The following DDX25 variants were observed in gnomAD, a reference collection of about 807,000 sequenced individuals.
DDX25 encodes DEAD-box helicase 25.
In DDX25, 70 loss-of-function variants were observed where a neutral mutation model predicts 64.6. That is an observed-to-expected ratio of 1.08 (90% CI 0.89 to 1.32). The LOEUF (loss-of-function observed/expected upper bound fraction) is 1.32, where lower values mean the gene tolerates loss of function less well. Among genes scored for constraint, DDX25 ranks in the 40% most tolerant of loss-of-function variants. DDX25 has a pLI of 0.00. For missense variants in DDX25, 587 were observed against 604.4 expected (o/e 0.97, Z 0.30); for synonymous variants, 211 against 213.3 (o/e 0.99, Z 0.09).
At position 125,927,576 on chromosome 11, in the gene DDX25, T is replaced by C. The variant is rs1945179038; in HGVS notation, c.*4695T>C. On this transcript the variant is annotated 3_prime_UTR_variant, in exon 12 of 12. Transcript: ENST00000263576. ...ATAATTTTCATAAATGAGGATGGTC[T>C]CCTATTTTGAGCTTAACATTTTTCT... 2 of 152,234 alleles carry C rather than the reference T, an allele frequency of 1.3e-5. No individual in the cohort carries two copies. The highest frequency in any genetic ancestry group is 1.3e-4 in the Admixed American group (2 of 15,280). The allele number at this position is 152,234 out of a possible 1,614,324, so 9.4% of individuals were successfully genotyped here.
Position 125,916,406 on chromosome 11 carries a change from T to G in DDX25, c.801-608T>G, listed in dbSNP as rs112322373. Among the ~76,000 whole-genome samples, 1,138 of 152,296 alleles carry G rather than the reference T, an allele frequency of 7.5e-3. 12 individuals carry two copies. The highest frequency in any genetic ancestry group is 0.023 in the African/African-American group (949 of 41,552). On this transcript the variant is annotated intron_variant, in intron 8 of 11. Transcript: ENST00000263576. Reference sequence around the variant, plus strand: ...TTTCTGCTCACTGGTCCCTCTCTTTTCCCAAGGATTAGCCTCTATCCTAAC... The same window carrying G: ...TTTCTGCTCACTGGTCCCTCTCTTTGCCCAAGGATTAGCCTCTATCCTAAC...
chr11:125,907,337 G>C (rs531678808), intron 4 of DDX25, among the ~76,000 whole-genome samples: 3 of 152,138 alleles, frequency 2.0e-5, no homozygotes, highest in East Asian at 3.9e-4. Flanking sequence ...GGCCGGGCGC[G>C]GTGGCTCACG....
chr11:125,921,261 C>T lies in DDX25; in HGVS notation c.1272C>T (p.Asp424=). The change falls in exon 11 of 12, where the codon GAC becomes GAT. Residue 424 remains aspartate, a synonymous_variant. Transcript: ENST00000263576. This position sits in a 1 kb window ranked among gnomAD's most constrained non-coding sequence, Gnocchi z 4.1. ...CTGTAAAACAAGGAGAGGAGCCGGA[C>T]TATGAGACCTACCTCCACCGCATAG... ...DLPVKQGEEP[D]YETYLHRIGR... 1 of 1,613,256 alleles carries T rather than the reference C, an allele frequency of 6.2e-7. No homozygotes were observed. The highest frequency in any genetic ancestry group is 8.5e-7 in the Non-Finnish European group (1 of 1,179,662).
rs1277252841 is a variant in DDX25 at position 125,918,737 on chromosome 11, G to T, written c.1148G>T (p.Arg383Met). Residue 383 changes from arginine to methionine, a missense_variant, in exon 10 of 12, where the codon AGG (arginine) becomes ATG (methionine). Arg to Met is a moderately conservative substitution (Grantham distance 91). Coordinates refer to ENST00000263576, the MANE Select transcript of DDX25 (RefSeq NM_013264.5). ...GAGCAGCGAGCTTCCATCATTCAGA[G>T]GTTTCGGGATGGGAAAGAGAAGGTT... ...TVEQRASIIQ[R>M]FRDGKEKVLI... 1 of 1,611,608 alleles carries T rather than the reference G, an allele frequency of 6.2e-7. No homozygotes were observed.
chr11:125,906,092 C>T lies in DDX25; in HGVS notation c.194C>T (p.Ser65Leu), dbSNP rs1944881257. The change falls in exon 4 of 12, where the codon TCA (serine) becomes TTA (leucine). Residue 65 changes from serine (S) to leucine (L), a missense_variant. Ser to Leu is a moderately radical substitution (Grantham distance 145). Transcript: ENST00000263576. ...EEDVVDLAAN[S>L]LLNKLIHQSL... ...TTTCTAGTGGATTTGGCAGCTAATT[C>T]ACTCTTAAACAAGTTAATCCATCAA... The T allele has an allele frequency of 6.5e-7, 1 of 1,532,228 alleles. No homozygotes were observed. Among genetic ancestry groups the T allele is most frequent in the Non-Finnish European group, 8.8e-7 (1 of 1,142,276 alleles). 94.9% of individuals were successfully genotyped at this position (1,532,228 alleles called of 1,614,324 possible). A position where few individuals can be genotyped will look rare whatever the true frequency, so the allele number is the denominator to read the frequency against.
chr11:125,922,785 C>T (rs1565469325), intron 11 of DDX25, 35 bp from the exon 12 acceptor site: 2 of 1,564,194 alleles, frequency 1.3e-6, no homozygotes, highest in South Asian at 1.2e-5. Flanking sequence ...TAGACCCTGA[C>T]ATGAGACTAG....
At chr11:125,907,993 C>T (rs1017170462) in intron 4 of DDX25, among the ~76,000 whole-genome samples, 3 of 152,140 alleles carry the variant, frequency 2.0e-5, no homozygotes, top group Non-Finnish European at 4.4e-5. Flanking sequence ...AGGCTTATGG[C>T]GTAGCTTATT....
In DDX25 at chr11:125,925,939, T is replaced by C. The variant is rs1945163314; in HGVS notation, c.*3058T>C. On this transcript the variant is annotated 3_prime_UTR_variant, in exon 12 of 12. Coordinates refer to ENST00000263576, the MANE Select transcript of DDX25 (RefSeq NM_013264.5). ...CACCATGAAAGCTGCTGGCAGTCTC[T>C]GCACATATGACCAACAGTGGAAAAT... 6.4e-6 allele frequency: 1 copy of C among 157,192 alleles called. No individual in the cohort carries two copies. The highest frequency in any genetic ancestry group is 6.3e-5 in the Admixed American group (1 of 15,900). The allele number at this position is 157,192 out of a possible 1,614,324, so 9.7% of individuals were successfully genotyped here.
At chr11:125,920,330 G>A (rs1347603748) in intron 10 of DDX25, among the ~76,000 whole-genome samples, 4 of 152,072 alleles carry the variant, frequency 2.6e-5, no homozygotes, top group Non-Finnish European at 4.4e-5. Context: ...CCAGCTACTC[G>A]GGAGGCTGAG....
chr11:125,904,634 C>T, intron 1 of DDX25, 54 bp downstream of exon 1: 1 of 1,421,974 alleles, frequency 7.0e-7, no homozygotes, highest in African/African-American at 1.5e-5. Context: ...CTCCCACTCG[C>T]AGAGGGAGAT....
At chr11:125,906,251 AC>A in intron 4 of DDX25, 42 bp downstream of exon 4, 1 of 1,510,326 alleles carries the variant, frequency 6.6e-7, no homozygotes. Context: ...AATGCTGAAA[AC>A]CACAGAACAA....
intron 7 of DDX25, among the ~76,000 whole-genome samples, chr11:125,910,915 CTT>C (rs34647627): frequency 6.3e-5 from 9 of 141,756 alleles, no homozygotes; most frequent in Non-Finnish European, 6.2e-5. Context: ...TTGTGTTTTG[CTT>C]TTTTTTTTTT....
intron 6 of DDX25, among the ~76,000 whole-genome samples, chr11:125,909,693 G>C (rs907899596): frequency 1.7e-4 from 25 of 149,488 alleles, no homozygotes; most frequent in Non-Finnish European, 3.3e-4. Flanking sequence ...CTGTCAACTA[G>C]GCTGGAGTGC....
rs1462576988 is a variant in DDX25 at position 125,919,281 on chromosome 11, G to C, written c.1201+491G>C. ...TGTGCAGGTCTGTATTTAGAGATAT[G>C]CTTTCATTTCTCTTGGGTAAATATC... On this transcript the variant is annotated intron_variant, in intron 10 of 11. Coordinates refer to ENST00000263576, the MANE Select transcript of DDX25 (RefSeq NM_013264.5). 3.3e-5 allele frequency among the ~76,000 whole-genome samples: 5 copies of C among 152,152 alleles called. No homozygotes were observed. In the East Asian group the frequency reaches 9.6e-4, roughly 29 times the overall value.
At chr11:125,914,017 A>G (rs1441295757) in intron 8 of DDX25, among the ~76,000 whole-genome samples, 1 of 151,928 alleles carries the variant, frequency 6.6e-6, no homozygotes, top group African/African-American at 2.4e-5. Context: ...ATTTTTTTTT[A>G]TAGAGCTTCC....
chr11:125,907,233 G>T (rs1944900071), intron 4 of DDX25, among the ~76,000 whole-genome samples: 1 of 152,140 alleles, frequency 6.6e-6, no homozygotes, highest in Non-Finnish European at 1.5e-5. Context: ...TTTTCTAAAT[G>T]GTAGAAGAAG....
rs1268123667 is a variant in DDX25, at chr11:125,905,695, C to T, written c.175+98C>T. On this transcript the variant is annotated intron_variant, in intron 3 of 11. Coordinates refer to ENST00000263576, the MANE Select transcript of DDX25 (RefSeq NM_013264.5). ...ATAATATAATCTCAATTGGAAAAGG[C>T]CTGTCTTTGCTTCTGTTTTCTTATA... The T allele has an allele frequency of 4.0e-6, 5 of 1,234,728 alleles. No individual in the cohort carries two copies. The East Asian group carries it at 1.0e-4, about 25-fold the overall frequency. 76.5% of individuals were successfully genotyped at this position (1,234,728 alleles called of 1,614,324 possible).
intron 3 of DDX25, among the ~76,000 whole-genome samples, chr11:125,905,820 C>T (rs1416114101): frequency 1.3e-5 from 2 of 152,182 alleles, no homozygotes; most frequent in African/African-American, 4.8e-5. Context: ...TTCCATCTGT[C>T]AAGGATTTGG....
rs992851814 is a variant in DDX25, at chr11:125,905,249, G to A, written c.101G>A (p.Gly34Asp). Residue 34 changes from glycine (G) to aspartate (D), a missense_variant, in exon 2 of 12, where the codon GGT (glycine) becomes GAT (aspartate). Transcript: ENST00000263576. Reference protein sequence around the residue: ...NLSQPRKNLWGIKSTAVRNID... With the variant: ...NLSQPRKNLWDIKSTAVRNID... ...AGCCAACCCCGGAAGAACCTTTGGG[G>A]TATTAAGAGTACTGCAGTCCGAAAC... is the stretch of plus-strand genomic sequence containing the variant. The A allele has an allele frequency of 2.6e-6, 4 of 1,551,684 alleles. No homozygotes were observed. The highest frequency in any genetic ancestry group is 3.5e-6 in the Non-Finnish European group (4 of 1,147,004).
Sources: gnomAD v4.1 joint callset for allele counts (sites outside exome capture counted in the v4.1 genomes callset) on GRCh38, gnomAD v4.1.1 for gene constraint, Gnocchi (gnomAD v3.1) non-coding constraint, MANE v1.5 for transcripts, NCBI Gene and HGNC (gene_info 2026-07-23, HGNC 2026-07-21) for gene names.